The following FBXL19 variants were observed in gnomAD, a reference collection of about 807,000 sequenced individuals.
FBXL19 encodes F-box/LRR-repeat protein 19.
In FBXL19, 16 loss-of-function variants were observed where a neutral mutation model predicts 71.2. The ratio of observed to expected loss-of-function variants is 0.22; its 90% CI spans 0.15 to 0.34. The LOEUF (loss-of-function observed/expected upper bound fraction) is 0.34. Ranked by LOEUF, FBXL19 falls within the 10% of genes least tolerant of loss-of-function variation. The pLI, the probability that FBXL19 is intolerant of heterozygous loss-of-function variation, is 1.00. For synonymous variants in FBXL19, 447 were observed against 409.4 expected (o/e 1.09, Z -1.11); for missense variants, 658 against 968.2 (o/e 0.68, Z 4.25).
At position 30,927,288 on chromosome 16, in the gene FBXL19, T is replaced by C; in HGVS notation, c.178-20T>C. The C allele has an allele frequency of 6.5e-7, 1 of 1,537,760 alleles. No homozygotes were observed. Among genetic ancestry groups the C allele is most frequent in the Non-Finnish European group, 8.8e-7 (1 of 1,141,716 alleles). On this transcript the variant is annotated intron_variant, in intron 2 of 10. Transcript: ENST00000338343. The stretch of plus-strand genomic sequence containing the variant: ...TGTTGTTAGCTTTCGGGGCCCCTGA[T>C]GTCCCCTCTCCCCCAACAGCCCGTG...
chr16:30,935,147 G>C (rs896017698), intron 7 of FBXL19, among the ~76,000 whole-genome samples: 1 of 152,170 alleles, frequency 6.6e-6, no homozygotes, highest in African/African-American at 2.4e-5. Flanking sequence ...CTGTGCTCTG[G>C]GGGTTGGGGG....
At chr16:30,924,545 C>G in intron 1 of FBXL19, 86 bp downstream of exon 1, 1 of 1,259,390 alleles carries the variant, frequency 7.9e-7, no homozygotes, top group Non-Finnish European at 1.0e-6. Flanking sequence ...TCTACCTTCC[C>G]CGCCCCCAGC....
chr16:30,930,632 C>T lies in FBXL19; in HGVS notation c.1301+48C>T. On this transcript the variant is annotated intron_variant, in intron 7 of 10. Transcript: ENST00000338343. This position sits in a 1 kb window ranked among gnomAD's most constrained non-coding sequence, Gnocchi z 8.5. ...CGTTCCGTGGCCAGCAGGCTTCCCG[C>T]TTGCTGGGTGACCTGCGGTAGGTCT... 1.4e-6 allele frequency: 2 copies of T among 1,401,652 alleles called. No individual in the cohort carries two copies. The highest frequency in any genetic ancestry group is 1.8e-6 in the Non-Finnish European group (2 of 1,084,430). The allele number at this position is 1,401,652 out of a possible 1,614,324, so 86.8% of individuals were successfully genotyped here. A position where few individuals can be genotyped will look rare whatever the true frequency, so the allele number is the denominator to read the frequency against.
chr16:30,927,831 G>GCCACCGCTT lies in FBXL19; in HGVS notation c.503_511dup (p.Leu168_Pro170dup). 1 of 1,548,064 alleles carries GCCACCGCTT rather than the reference G, an allele frequency of 6.5e-7. No individual in the cohort carries two copies. Among genetic ancestry groups the GCCACCGCTT allele is most frequent in the Non-Finnish European group, 8.7e-7 (1 of 1,146,848 alleles). On this transcript the variant is annotated inframe_insertion, in exon 5 of 11. Transcript: ENST00000338343. ...GGAGCGGATGGAAGCTGACAGAGGA[G>GCCACCGCTT]CCACCGCTTCCACCGCCCCCGCCCA...
At chr16:30,923,044 C>T (rs1020427214), upstream of FBXL19, 2 of 456,866 alleles carry the variant, frequency 4.4e-6, no homozygotes, top group Non-Finnish European at 8.8e-6. Flanking sequence ...GGTGTATGTC[C>T]CTCTTCCGCC....
intron 7 of FBXL19, among the ~76,000 whole-genome samples, chr16:30,937,712 C>T (rs2055754483): frequency 6.6e-6 from 1 of 152,140 alleles, no homozygotes; most frequent in Non-Finnish European, 1.5e-5. Flanking sequence ...CAGCATGTGC[C>T]ACAACGTGTT....
chr16:30,924,507 C>A, intron 1 of FBXL19, 48 bp downstream of exon 1: 1 of 802,910 alleles, frequency 1.2e-6, no homozygotes, highest in Non-Finnish European at 1.7e-6. Context: ...GCAGCGCCCA[C>A]TCCCATTCAT....
intron 2 of FBXL19, among the ~76,000 whole-genome samples, chr16:30,926,562 A>C (rs2055593599): frequency 6.6e-6 from 1 of 151,806 alleles, no homozygotes; most frequent in Non-Finnish European, 1.5e-5. Flanking sequence ...AGCAGCCGCG[A>C]GGAGCCAGCT....
intron 7 of FBXL19, among the ~76,000 whole-genome samples, chr16:30,939,190 G>GC (rs2055771832): frequency 6.6e-6 from 1 of 150,858 alleles, no homozygotes; most frequent in Admixed American, 6.6e-5. Context: ...TCCTGCCTTA[G>GC]CCTCCCAAGT....
At chr16:30,924,765 TGG>T (rs755612898) in intron 1 of FBXL19, 1 of 1,490,458 alleles carries the variant, frequency 6.7e-7, no homozygotes, top group Non-Finnish European at 8.9e-7. Flanking sequence ...AGGGGGAATC[TGG>T]GGTAAGACTG....
At position 30,925,780 on chromosome 16, in the gene FBXL19, G is replaced by A; in HGVS notation, c.26G>A (p.Gly9Glu). The change falls in exon 2 of 11, where the codon GGG (glycine) becomes GAG (glutamate). Residue 9 changes from glycine (G) to glutamate (E), a missense_variant. Coordinates refer to ENST00000338343, the MANE Select transcript of FBXL19 (RefSeq NM_001382779.1). The surrounding 1 kb of genome is among the most constrained non-coding windows in gnomAD (Gnocchi z 5.0). ...ATGTCGTCGAGCAGCCGGGGGCCGGGGGCCGGAGCGCGCCGACGCCGAACC... is the reference window on the plus strand; with the variant it reads ...ATGTCGTCGAGCAGCCGGGGGCCGGAGGCCGGAGCGCGCCGACGCCGAACC... MSSSSRGP[G>E]AGARRRRTRC... The A allele has an allele frequency of 6.7e-7, 1 of 1,487,714 alleles. No homozygotes were observed. The highest frequency in any genetic ancestry group is 2.7e-5 in the East Asian group (1 of 37,422). The allele number at this position is 1,487,714 out of a possible 1,614,324, so 92.2% of individuals were successfully genotyped here. A position where few individuals can be genotyped will look rare whatever the true frequency, so the allele number is the denominator to read the frequency against.
Position 30,946,095 on chromosome 16 carries a change from T to G in FBXL19, c.1628-635T>G, listed in dbSNP as rs2055855980. Among the ~76,000 whole-genome samples, 1 of 152,154 alleles carries G rather than the reference T, an allele frequency of 6.6e-6. No individual in the cohort carries two copies. The highest frequency in any genetic ancestry group is 1.5e-5 in the Non-Finnish European group (1 of 68,030). On this transcript the variant is annotated intron_variant, in intron 9 of 10. Transcript: ENST00000338343. This position sits in a 1 kb window ranked among gnomAD's most constrained non-coding sequence, Gnocchi z 6.7. ...AGTATCGTGCCTGCGTCTGCTCAGC[T>G]TCTGGGGAAGCCTCACGTAGCTTTT... is the stretch of plus-strand genomic sequence containing the variant.
At chr16:30,937,172 G>C (rs1320648333) in intron 7 of FBXL19, among the ~76,000 whole-genome samples, 2 of 152,098 alleles carry the variant, frequency 1.3e-5, no homozygotes, top group Non-Finnish European at 2.9e-5. Context: ...TGGCTGGTTA[G>C]TAGTGCTGAA....
In FBXL19 at chr16:30,925,971, C is replaced by T. The variant is rs776399776; in HGVS notation, c.177+40C>T. 6.9e-7 allele frequency: 1 copy of T among 1,446,942 alleles called. No homozygotes were observed. The highest frequency in any genetic ancestry group is 2.8e-5 in the East Asian group (1 of 36,078). The allele number at this position is 1,446,942 out of a possible 1,614,324, so 89.6% of individuals were successfully genotyped here. The stretch of plus-strand genomic sequence containing the variant: ...CACCTTTGGGCTCTGCCCACCCTTC[C>T]CAATACCTTCTTGGAATGGCTGGTG... On this transcript the variant is annotated intron_variant, in intron 2 of 10. Coordinates refer to ENST00000338343, the MANE Select transcript of FBXL19 (RefSeq NM_001382779.1). This position sits in a 1 kb window ranked among gnomAD's most constrained non-coding sequence, Gnocchi z 5.0.
In FBXL19 at chr16:30,927,594, A is replaced by T; in HGVS notation, c.343A>T (p.Ile115Phe). The change falls in exon 4 of 11, where the codon ATC (isoleucine) becomes TTC (phenylalanine). Residue 115 changes from isoleucine to phenylalanine, a missense_variant. This residue lies in a region of FBXL19 where 447 missense variants were observed against 515.4 expected (regional missense o/e 0.87). Transcript: ENST00000338343. The part of the protein sequence containing the change: ...CLKMGKAEGV[I>F]NAEIPNCWEC... ...ACAGATGGGGAAGGCTGAGGGTGTC[A>T]TCAATGCAGAGATCCCCAACTGCTG... is the stretch of plus-strand genomic sequence containing the variant. The T allele has an allele frequency of 6.4e-7, 1 of 1,560,794 alleles. No individual in the cohort carries two copies. The highest frequency in any genetic ancestry group is 8.7e-7 in the Non-Finnish European group (1 of 1,152,384).
At chr16:30,932,839 CTTTT>C (rs1188274971) in intron 7 of FBXL19, among the ~76,000 whole-genome samples, 1 of 130,472 alleles carries the variant, frequency 7.7e-6, no homozygotes, top group East Asian at 2.2e-4. Context: ...GCAATGATAA[CTTTT>C]TTTTTTTTTT....
chr16:30,923,337 C>T, upstream of FBXL19: 1 of 407,544 alleles, frequency 2.5e-6, no homozygotes, highest in South Asian at 1.8e-5. Flanking sequence ...GCTGGGCACG[C>T]CCTCCGCCGT....
Position 30,930,105 on chromosome 16 carries a change from C to T in FBXL19, c.822C>T (p.Gly274=). 6.2e-7 allele frequency: 1 copy of T among 1,613,516 alleles called. No homozygotes were observed. Among genetic ancestry groups the T allele is most frequent in the Non-Finnish European group, 8.5e-7 (1 of 1,179,824 alleles). The change falls in exon 7 of 11, where the codon GGC becomes GGT. Residue 274 remains glycine, a synonymous_variant. Transcript: ENST00000338343. This position sits in a 1 kb window ranked among gnomAD's most constrained non-coding sequence, Gnocchi z 8.5. ...AGCCGCCTTTGGCCTCTGCAGAGGG[C>T]CCAGCGGTGCCGTCCCCGTCCCCGC... ...KPKPPLASAE[G]PAVPSPSPQR...
chr16:30,925,374 C>A lies in FBXL19; in HGVS notation c.-24-357C>A, dbSNP rs376031329. Among the ~76,000 whole-genome samples, 1 of 152,130 alleles carries A rather than the reference C, an allele frequency of 6.6e-6. No homozygotes were observed. Among genetic ancestry groups the A allele is most frequent in the Non-Finnish European group, 1.5e-5 (1 of 68,012 alleles). On this transcript the variant is annotated intron_variant, in intron 1 of 10. Coordinates refer to ENST00000338343, the MANE Select transcript of FBXL19 (RefSeq NM_001382779.1). The surrounding 1 kb of genome is among the most constrained non-coding windows in gnomAD (Gnocchi z 5.0). The stretch of plus-strand genomic sequence containing the variant: ...CGGATAACAGGGGAAGAGTTGGGAT[C>A]TCTCCAAGCTAACACCACGGACAAG...
Sources: gnomAD v4.1 joint callset for allele counts (sites outside exome capture counted in the v4.1 genomes callset) on GRCh38, gnomAD v4.1.1 for gene constraint, gnomAD v4.1.1 regional missense constraint, Gnocchi (gnomAD v3.1) non-coding constraint, MANE v1.5 for transcripts, NCBI Gene and HGNC (gene_info 2026-07-23, HGNC 2026-07-21) for gene names.